MANBA: variants seen among roughly 807,000 people sequenced by gnomAD.
MANBA encodes beta-mannosidase.
Under a neutral mutation model 111.1 loss-of-function variants are expected in MANBA, and 83 were observed. That is an observed-to-expected ratio of 0.75 (90% confidence interval 0.63 to 0.90). The LOEUF (loss-of-function observed/expected upper bound fraction) is 0.90. MANBA is among the 40% of genes least tolerant of loss of function. The pLI is 0.00. For synonymous variants in MANBA, 370 were observed against 378.7 expected (o/e 0.98, Z 0.27); for missense variants, 1,036 against 1,069.0 (o/e 0.97, Z 0.43).
intron 12 of MANBA, among the ~76,000 whole-genome samples, chr4:102,653,553 G>C (rs1254551445): frequency 6.6e-6 from 1 of 152,084 alleles, no homozygotes; most frequent in African/African-American, 2.4e-5. Context: ...GTTTTATTTA[G>C]TTTTTCTTTT....
chr4:102,694,993 C>T (rs1420014830), intron 5 of MANBA, among the ~76,000 whole-genome samples: 1 of 152,064 alleles, frequency 6.6e-6, no homozygotes, highest in Non-Finnish European at 1.5e-5. Flanking sequence ...TTAAGGTTTT[C>T]CCAGAGATGA....
intron 1 of MANBA, among the ~76,000 whole-genome samples, chr4:102,738,018 C>T (rs1430362225): frequency 6.6e-6 from 1 of 152,212 alleles, no homozygotes. Flanking sequence ...CTCTATGGTC[C>T]TGCCCATCAC....
intron 10 of MANBA, 187 bp downstream of exon 10, chr4:102,668,776 C>G (rs1300567821): frequency 3.4e-6 from 2 of 587,042 alleles, no homozygotes; most frequent in African/African-American, 3.7e-5. Flanking sequence ...ATCTGGGAGT[C>G]ATCAGCCAAT....
chr4:102,737,490 G>C (rs188709321), intron 1 of MANBA, among the ~76,000 whole-genome samples: 1 of 149,356 alleles, frequency 6.7e-6, no homozygotes, highest in Non-Finnish European at 1.5e-5. Flanking sequence ...TTGTTTGTTT[G>C]TTTTTTTTTT....
intron 13 of MANBA, among the ~76,000 whole-genome samples, chr4:102,646,967 A>G (rs569413555): frequency 6.6e-6 from 1 of 152,106 alleles, no homozygotes; most frequent in Admixed American, 6.6e-5. Context: ...CTTAATTAAT[A>G]AATCTTCTAA....
chr4:102,721,153 G>A (rs765360065), intron 4 of MANBA, among the ~76,000 whole-genome samples: 11 of 152,088 alleles, frequency 7.2e-5, no homozygotes, highest in South Asian at 2.1e-4. Flanking sequence ...GCGAAACTCC[G>A]TCTCTACTAA....
At chr4:102,655,710 C>T (rs75563073) in intron 12 of MANBA, among the ~76,000 whole-genome samples, 1,906 of 152,252 alleles carry the variant, frequency 0.013, 23 homozygotes, top group African/African-American at 0.037. Flanking sequence ...GAAGACAACA[C>T]AGAAATAAAC....
At chr4:102,751,425 T>C (rs866786140) in intron 1 of MANBA, 3 of 484,652 alleles carry the variant, frequency 6.2e-6, no homozygotes, top group Admixed American at 2.1e-5. Context: ...AACACATTTC[T>C]ACACCGATAA....
intron 5 of MANBA, among the ~76,000 whole-genome samples, chr4:102,713,803 G>A (rs974447072): frequency 5.9e-5 from 9 of 151,424 alleles, no homozygotes; most frequent in African/African-American, 2.2e-4. Flanking sequence ...GGCTGAGGCA[G>A]GAGAATCGCT....
intron 1 of MANBA, among the ~76,000 whole-genome samples, chr4:102,738,605 C>T (rs899008631): frequency 1.3e-5 from 2 of 152,166 alleles, no homozygotes; most frequent in African/African-American, 4.8e-5. Flanking sequence ...TAAACAGTAA[C>T]CCTTGAGTTC....
chr4:102,635,462 T>A (rs1333250308), intron 15 of MANBA, among the ~76,000 whole-genome samples: 1 of 152,130 alleles, frequency 6.6e-6, no homozygotes, highest in Non-Finnish European at 1.5e-5. Context: ...CACATGCGCA[T>A]TCTGAATAGT....
At chr4:102,758,464 G>A (rs1269246996) in intron 1 of MANBA, among the ~76,000 whole-genome samples, 4 of 151,988 alleles carry the variant, frequency 2.6e-5, no homozygotes, top group Non-Finnish European at 4.4e-5. Context: ...AAAAAGGGAT[G>A]TTATAATAAA....
At chr4:102,754,228 A>C (rs576916177) in intron 1 of MANBA, among the ~76,000 whole-genome samples, 1 of 152,302 alleles carries the variant, frequency 6.6e-6, no homozygotes, top group Admixed American at 6.5e-5. Flanking sequence ...CAACTGGTAC[A>C]ATGTTTATGA....
chr4:102,701,509 T>G (rs1465522861), intron 5 of MANBA, among the ~76,000 whole-genome samples: 1 of 152,150 alleles, frequency 6.6e-6, no homozygotes, highest in Non-Finnish European at 1.5e-5. Flanking sequence ...GGTTGTTCCT[T>G]TCCATGTTGA....
At chr4:102,697,514 C>A (rs1190554718) in intron 5 of MANBA, among the ~76,000 whole-genome samples, 2 of 120,224 alleles carry the variant, frequency 1.7e-5, no homozygotes, top group South Asian at 3.5e-4. Context: ...CCCCTCCCCC[C>A]ACCCCACAAC....
chr4:102,700,526 T>G (rs1732978532), intron 5 of MANBA, among the ~76,000 whole-genome samples: 1 of 152,136 alleles, frequency 6.6e-6, no homozygotes, highest in East Asian at 1.9e-4. Context: ...ACACACTGCT[T>G]TGAATGTGTC....
At chr4:102,718,151 A>C (rs1722415582) in intron 4 of MANBA, among the ~76,000 whole-genome samples, 1 of 152,252 alleles carries the variant, frequency 6.6e-6, no homozygotes, top group South Asian at 2.1e-4. Context: ...AAAGGTGTCA[A>C]GAAAAACTCA....
intron 1 of MANBA, among the ~76,000 whole-genome samples, chr4:102,738,769 A>G (rs535116694): frequency 6.6e-6 from 1 of 152,240 alleles, no homozygotes; most frequent in South Asian, 2.1e-4. Context: ...TGAACTGCCA[A>G]ATAAACAATT....
intron 16 of MANBA, among the ~76,000 whole-genome samples, chr4:102,632,767 T>C (rs1361086994): frequency 1.3e-5 from 2 of 152,256 alleles, no homozygotes; most frequent in African/African-American, 2.4e-5. Context: ...TTATCTCTTT[T>C]ACTGCATAGT....
Sources: allele counts gnomAD v4.1 joint callset (sites outside exome capture counted in the v4.1 genomes callset), GRCh38; gene constraint gnomAD v4.1.1; transcripts MANE v1.5; gene names NCBI Gene and HGNC (gene_info 2026-07-23, HGNC 2026-07-21).